Variants in ADAMTS16 observed in about 807,000 individuals in gnomAD.
ADAMTS16 encodes A disintegrin and metalloproteinase with thrombospondin motifs 16.
A neutral mutation model predicts 145.8 loss-of-function variants in ADAMTS16; 94 were observed. The observed-to-expected ratio is 0.64, with a 90% CI of 0.55 to 0.77. The LOEUF (loss-of-function observed/expected upper bound fraction) is 0.77. Ranked by LOEUF, ADAMTS16 falls within the 30% of genes least tolerant of loss-of-function variation. ADAMTS16 has a pLI of 0.00. For missense variants in ADAMTS16, 1,585 were observed against 1,591.5 expected, an observed-to-expected ratio of 1.00 and a Z score of 0.07; for synonymous variants, 659 against 604.3, an observed-to-expected ratio of 1.09 and a Z score of -1.33.
chr5:5,252,092 G>A (rs986830056), intron 17 of ADAMTS16, among the ~76,000 whole-genome samples: 17 of 152,208 alleles, frequency 1.1e-4, no homozygotes, highest in African/African-American at 3.4e-4. Flanking sequence ...TTCGTGATCC[G>A]CCCGCCTCGG....
intron 9 of ADAMTS16, 105 bp from the exon 10 acceptor site, chr5:5,208,988 C>G: frequency 1.5e-6 from 2 of 1,314,692 alleles, no homozygotes; most frequent in African/African-American, 1.5e-5. Context: ...TTTGTATACA[C>G]AATATATGTT....
intron 18 of ADAMTS16, among the ~76,000 whole-genome samples, chr5:5,266,252 C>A (rs56127565): frequency 2.2e-3 from 328 of 152,266 alleles, no homozygotes; most frequent in Non-Finnish European, 4.2e-3. Context: ...AACACAGGAA[C>A]AAGCTACCAA....
At chr5:5,268,412 G>A (rs998735800) in intron 18 of ADAMTS16, among the ~76,000 whole-genome samples, 1 of 152,252 alleles carries the variant, frequency 6.6e-6, no homozygotes, top group Admixed American at 6.5e-5. Context: ...CTCATCAGAC[G>A]CTCGGTCACC....
chr5:5,319,647 A>G lies in ADAMTS16; in HGVS notation c.*509A>G, dbSNP rs1429963092. ...GGGTGGAGGTCAGGGGAGCTCCAGG[A>G]GGCTGCCCAGGCTCCTCCTCCTCCT... On this transcript the variant is annotated 3_prime_UTR_variant, in exon 23 of 23. Coordinates refer to ENST00000274181, the MANE Select transcript of ADAMTS16 (RefSeq NM_139056.4). The G allele has an allele frequency of 1.4e-5, 5 of 347,694 alleles. No individual in the cohort carries two copies. The highest frequency in any genetic ancestry group is 2.8e-5 in the Non-Finnish European group (5 of 180,274). The allele number at this position is 347,694 out of a possible 1,614,324, so 21.5% of individuals were successfully genotyped here. A position where few individuals can be genotyped will look rare whatever the true frequency, so the allele number is the denominator to read the frequency against.
intron 5 of ADAMTS16, among the ~76,000 whole-genome samples, chr5:5,186,687 T>C (rs1167538002): frequency 6.6e-6 from 1 of 152,170 alleles, no homozygotes; most frequent in Non-Finnish European, 1.5e-5. Context: ...ATTTTATCTA[T>C]AAAAACAGGA....
chr5:5,222,158 G>T (rs761812907), intron 10 of ADAMTS16, among the ~76,000 whole-genome samples: 2 of 152,144 alleles, frequency 1.3e-5, no homozygotes, highest in Non-Finnish European at 2.9e-5. Flanking sequence ...ATCTCTTTCT[G>T]TATGCGCCAA....
chr5:5,236,845 A>T, intron 13 of ADAMTS16, 124 bp from the exon 14 acceptor site: 1 of 1,207,980 alleles, frequency 8.3e-7, no homozygotes, highest in Non-Finnish European at 1.1e-6. Flanking sequence ...TGCCATTGTA[A>T]TGTATTATTG....
chr5:5,200,907 AG>A, intron 9 of ADAMTS16, among the ~76,000 whole-genome samples: 1 of 152,372 alleles, frequency 6.6e-6, no homozygotes, highest in East Asian at 1.9e-4. Flanking sequence ...CTTGAAAAAT[AG>A]TAGATTTGAA....
chr5:5,170,672 C>A (rs1735020140), intron 3 of ADAMTS16, among the ~76,000 whole-genome samples: 1 of 152,152 alleles, frequency 6.6e-6, no homozygotes. Context: ...GCCACCACAC[C>A]CAGCTCTTTT....
Position 5,183,928 on chromosome 5 carries a change from T to C in ADAMTS16, c.763+1623T>C, listed in dbSNP as rs529611364. 6.1e-4 allele frequency among the ~76,000 whole-genome samples: 93 copies of C among 152,360 alleles called. 1 individual carries two copies. The highest frequency in any genetic ancestry group is 2.1e-3 in the African/African-American group (89 of 41,582). ...GAAAAAAGTTCCCATGGTTTCATAA[T>C]AAAACTAGCGAAAGAAAGCTCAACA... On this transcript the variant is annotated intron_variant, in intron 4 of 22. Transcript: ENST00000274181.
At chr5:5,156,739 G>C (rs1054291032) in intron 3 of ADAMTS16, among the ~76,000 whole-genome samples, 3 of 152,176 alleles carry the variant, frequency 2.0e-5, no homozygotes, top group African/African-American at 7.2e-5. Context: ...GCACTCAGGG[G>C]CTTGTGTGTG....
At chr5:5,146,521 A>AACCTCGCCTCCCTACCTG in intron 3 of ADAMTS16, 66 bp downstream of exon 3, 1 of 1,463,272 alleles carries the variant, frequency 6.8e-7, no homozygotes, top group Non-Finnish European at 9.2e-7. Context: ...GAGCGTAACC[A>AACCTCGCCTCCCTACCTG]GGACTTTCCC....
intron 12 of ADAMTS16, 139 bp from the exon 13 acceptor site, chr5:5,234,869 CAAAAAA>C (rs1553993127): frequency 1.1e-4 from 6 of 55,966 alleles, no homozygotes; most frequent in Admixed American, 5.3e-4. Flanking sequence ...GACTCCATCT[CAAAAAA>C]AAAAAAAAAA....
chr5:5,311,811 G>GGTTCAA (rs1296099674), intron 21 of ADAMTS16, among the ~76,000 whole-genome samples: 1 of 151,434 alleles, frequency 6.6e-6, no homozygotes, highest in Non-Finnish European at 1.5e-5. Context: ...CCGCCTCCCG[G>GGTTCAA]GTTCAAGCCA....
Position 5,269,717 on chromosome 5 carries a change from C to G in ADAMTS16, c.2789+6934C>G, listed in dbSNP as rs1738392714. Among the ~76,000 whole-genome samples, 1 of 152,170 alleles carries G rather than the reference C, an allele frequency of 6.6e-6. No individual in the cohort carries two copies. The highest frequency in any genetic ancestry group is 2.4e-5 in the African/African-American group (1 of 41,424). On this transcript the variant is annotated intron_variant, in intron 18 of 22. Transcript: ENST00000274181. This position sits in a 1 kb window ranked among gnomAD's most constrained non-coding sequence, Gnocchi z 4.3. The stretch of plus-strand genomic sequence containing the variant: ...CCAGTGGTTCCTGTTGTTTTTCTGG[C>G]TGGGTCTCCTCTGCCTCCACCTCTC...
intron 13 of ADAMTS16, 137 bp downstream of exon 13, chr5:5,235,323 G>A: frequency 1.1e-6 from 1 of 949,366 alleles, no homozygotes; most frequent in Non-Finnish European, 1.4e-6. Flanking sequence ...ATTCTCTTCT[G>A]GAGGTTAGTT....
At chr5:5,147,001 C>T (rs555227232) in intron 3 of ADAMTS16, among the ~76,000 whole-genome samples, 2 of 152,248 alleles carry the variant, frequency 1.3e-5, no homozygotes, top group African/African-American at 2.4e-5. Flanking sequence ...GGTGCATTCC[C>T]CATGTCCTGC....
intron 17 of ADAMTS16, among the ~76,000 whole-genome samples, chr5:5,261,835 C>A (rs1484914167): frequency 6.6e-6 from 1 of 152,156 alleles, no homozygotes; most frequent in African/African-American, 2.4e-5. Context: ...TAAGTACATT[C>A]ACATTGATGT....
At chr5:5,184,657 G>A (rs1735447149) in intron 4 of ADAMTS16, among the ~76,000 whole-genome samples, 1 of 152,122 alleles carries the variant, frequency 6.6e-6, no homozygotes, top group South Asian at 2.1e-4. Flanking sequence ...GCTGATTAGT[G>A]GGCCTGCTGC....
Sources: allele counts gnomAD v4.1 joint callset (sites outside exome capture counted in the v4.1 genomes callset), GRCh38; gene constraint gnomAD v4.1.1; non-coding constraint Gnocchi (gnomAD v3.1); transcripts MANE v1.5; gene names NCBI Gene and HGNC (gene_info 2026-07-23, HGNC 2026-07-21).